The following SPAG16 variants were observed in gnomAD, a reference collection of about 807,000 sequenced individuals.
SPAG16 encodes sperm-associated antigen 16 protein.
A neutral mutation model predicts 80.4 loss-of-function variants in SPAG16; 86 were observed. The ratio of observed to expected loss-of-function variants is 1.07; its 90% confidence interval spans 0.90 to 1.28. SPAG16 has a LOEUF of 1.28. Ranked by LOEUF, SPAG16 falls within the 50% of genes most tolerant of loss-of-function variation. The probability of loss-of-function intolerance (pLI) is 0.00; values close to 1 mark genes in which losing one functional copy is unlikely to be tolerated. For synonymous variants in SPAG16, 294 were observed against 265.9 expected, an observed-to-expected ratio of 1.11 and a Z score of -1.03; for missense variants, 870 against 765.3, an observed-to-expected ratio of 1.14 and a Z score of -1.61.
chr2:214,250,958 A>G (rs529472322), intron 15 of SPAG16, among the ~76,000 whole-genome samples: 1 of 151,640 alleles, frequency 6.6e-6, no homozygotes, highest in African/African-American at 2.4e-5. Context: ...AAAAATAGAA[A>G]TTTAGCTTCA....
At chr2:213,699,010 T>C (rs79684719) in intron 10 of SPAG16, among the ~76,000 whole-genome samples, 2,600 of 152,316 alleles carry the variant, frequency 0.017, 36 homozygotes, top group Non-Finnish European at 0.023. Flanking sequence ...CTTCTTTTCC[T>C]CTCTAAGTTC....
chr2:213,874,788 G>C (rs1459757631), intron 11 of SPAG16, among the ~76,000 whole-genome samples: 2 of 152,074 alleles, frequency 1.3e-5, no homozygotes, highest in African/African-American at 4.8e-5. Context: ...CAGAGGGAGG[G>C]ATTGTGGGGA....
At chr2:214,067,576 A>T (rs543150392) in intron 13 of SPAG16, among the ~76,000 whole-genome samples, 66 of 152,078 alleles carry the variant, frequency 4.3e-4, no homozygotes, top group Non-Finnish European at 8.1e-4. Flanking sequence ...ATATACTCAA[A>T]ATTTGGGCAA....
At chr2:214,225,680 A>G (rs1316094900) in intron 15 of SPAG16, among the ~76,000 whole-genome samples, 4 of 152,144 alleles carry the variant, frequency 2.6e-5, no homozygotes, top group Non-Finnish European at 5.9e-5. Context: ...AGGAGAGAGG[A>G]AAAACTATCT....
intron 14 of SPAG16, 47 bp downstream of exon 14, chr2:214,108,308 C>A: frequency 1.4e-6 from 2 of 1,425,986 alleles, no homozygotes; most frequent in Non-Finnish European, 1.9e-6. Flanking sequence ...TTCATATATA[C>A]AAATTCATTT....
chr2:214,103,980 A>G (rs1169442739), intron 13 of SPAG16, among the ~76,000 whole-genome samples: 1 of 152,004 alleles, frequency 6.6e-6, no homozygotes, highest in East Asian at 1.9e-4. Context: ...AGGGAGGGAG[A>G]GAGAGAGAAC....
At chr2:213,927,366 T>A (rs1461382502) in intron 11 of SPAG16, among the ~76,000 whole-genome samples, 1 of 152,196 alleles carries the variant, frequency 6.6e-6, no homozygotes, top group Non-Finnish European at 1.5e-5. Flanking sequence ...GAAACTCTGA[T>A]CTTTTGCATC....
At chr2:213,441,013 A>G (rs1274192080) in intron 9 of SPAG16, among the ~76,000 whole-genome samples, 2 of 152,250 alleles carry the variant, frequency 1.3e-5, no homozygotes, top group African/African-American at 2.4e-5. Context: ...CTAAATTTTT[A>G]TAGAATTTTC....
At chr2:214,103,820 C>T (rs11695596) in intron 13 of SPAG16, among the ~76,000 whole-genome samples, 6 of 151,800 alleles carry the variant, frequency 4.0e-5, no homozygotes, top group Non-Finnish European at 8.8e-5. Context: ...GGGTGAGAAC[C>T]GGGTGTACCT....
In SPAG16 at chr2:214,327,856, T is replaced by C. The variant is rs150957040; in HGVS notation, c.1721-82284T>C. ...TGATTTACTCTTCCTGATGGAAAAGTATAAAATTTGTTGGCCTGCAGGGGA... is the reference window on the plus strand; with the variant it reads ...TGATTTACTCTTCCTGATGGAAAAGCATAAAATTTGTTGGCCTGCAGGGGA... On this transcript the variant is annotated intron_variant, in intron 15 of 15. Transcript: ENST00000331683. Among the ~76,000 whole-genome samples, 250 of 152,314 alleles carry C rather than the reference T, an allele frequency of 1.6e-3. 1 individual carries two copies. Among genetic ancestry groups the C allele is most frequent in the Non-Finnish European group, 2.7e-3 (183 of 68,024 alleles).
At chr2:213,853,468 A>G (rs1326101834) in intron 10 of SPAG16, among the ~76,000 whole-genome samples, 2 of 152,230 alleles carry the variant, frequency 1.3e-5, no homozygotes, top group African/African-American at 4.8e-5. Context: ...CTCTGCCAGA[A>G]CATAATATTT....
chr2:213,408,039 G>C (rs1009366790), intron 9 of SPAG16, among the ~76,000 whole-genome samples: 2 of 150,320 alleles, frequency 1.3e-5, no homozygotes, highest in Admixed American at 1.3e-4. Context: ...GAGAGAGGCA[G>C]AGAGAGACAG....
At chr2:214,298,074 C>CTATATATATATATATATATATATA (rs34462560) in intron 15 of SPAG16, among the ~76,000 whole-genome samples, 1 of 137,040 alleles carries the variant, frequency 7.3e-6, no homozygotes, top group East Asian at 2.1e-4. Flanking sequence ...AGATGTATGC[C>CTATATATATATATATATATATATA]TATATATATA....
chr2:213,600,906 G>T (rs1347703887), intron 10 of SPAG16, among the ~76,000 whole-genome samples: 1 of 152,160 alleles, frequency 6.6e-6, no homozygotes, highest in East Asian at 1.9e-4. Context: ...TATGAGAAAT[G>T]ACATACAAAT....
intron 10 of SPAG16, among the ~76,000 whole-genome samples, chr2:213,602,775 C>G (rs556467484): frequency 1.3e-5 from 2 of 151,992 alleles, no homozygotes; most frequent in East Asian, 1.9e-4. Context: ...AAATGATTAC[C>G]AATTTCTTAG....
intron 10 of SPAG16, among the ~76,000 whole-genome samples, chr2:213,723,579 T>C (rs568925975): frequency 2.0e-5 from 3 of 152,266 alleles, no homozygotes; most frequent in East Asian, 3.9e-4. Flanking sequence ...TCAAGAAACA[T>C]GGACAAAAAA....
intron 10 of SPAG16, among the ~76,000 whole-genome samples, chr2:213,658,546 T>G (rs1391165262): frequency 6.6e-6 from 1 of 152,196 alleles, no homozygotes; most frequent in Non-Finnish European, 1.5e-5. Context: ...TTACATGCTG[T>G]CACTCATGCT....
intron 13 of SPAG16, among the ~76,000 whole-genome samples, chr2:214,087,978 CAT>C (rs2051895207): frequency 6.6e-6 from 1 of 151,784 alleles, no homozygotes; most frequent in African/African-American, 2.4e-5. Flanking sequence ...ATCCAAAGGA[CAT>C]TTACTTTAAA....
chr2:214,041,516 T>C (rs892747609), intron 13 of SPAG16, among the ~76,000 whole-genome samples: 1 of 151,910 alleles, frequency 6.6e-6, no homozygotes, highest in Non-Finnish European at 1.5e-5. Context: ...AAGCATAGTT[T>C]CATTACAAAG....
Sources: allele counts gnomAD v4.1 joint callset (sites outside exome capture counted in the v4.1 genomes callset), GRCh38; gene constraint gnomAD v4.1.1; transcripts MANE v1.5; gene names NCBI Gene and HGNC (gene_info 2026-07-23, HGNC 2026-07-21).